Variants in HADHB observed in about 807,000 individuals in gnomAD.
HADHB encodes trifunctional enzyme subunit beta, mitochondrial.
Under a neutral mutation model 61.9 loss-of-function variants are expected in HADHB, and 50 were observed. That is an observed-to-expected ratio of 0.81 (90% confidence interval 0.64 to 1.02). HADHB has a LOEUF of 1.02. Among genes scored for constraint, HADHB ranks in the 50% least tolerant of loss-of-function variants. The pLI is 0.00. For missense variants in HADHB, 504 were observed against 586.5 expected, an observed-to-expected ratio of 0.86 and a Z score of 1.45; for synonymous variants, 191 against 201.6, an observed-to-expected ratio of 0.95 and a Z score of 0.45.
At chr2:26,284,666 C>T (rs1247756803) in intron 13 of HADHB, among the ~76,000 whole-genome samples, 1 of 151,950 alleles carries the variant, frequency 6.6e-6, no homozygotes, top group Non-Finnish European at 1.5e-5. Flanking sequence ...AGGGTTTCAC[C>T]ATATTGGTCA....
chr2:26,248,040 G>C (rs751240437), intron 1 of HADHB, among the ~76,000 whole-genome samples: 6 of 151,958 alleles, frequency 3.9e-5, no homozygotes, highest in South Asian at 4.2e-4. Context: ...ATAGCTTCAG[G>C]GACTTTCTTT....
rs1558360722 is a variant in HADHB, at chr2:26,284,191, A to G, written c.1136A>G (p.His379Arg). ...TMNDIDAFEFHEAFSGQILAN... is the reference protein window; with the variant it reads ...TMNDIDAFEFREAFSGQILAN... ...AATGATATTGATGCTTTTGAATTTC[A>G]TGAAGCTTTCTCGGTAAGTAATTTG... Residue 379 changes from histidine (H) to arginine (R), a missense_variant, in exon 13 of 16, where the codon CAT becomes CGT. By Grantham distance (29) the His-to-Arg change is conservative. Transcript: ENST00000317799. The G allele has an allele frequency of 2.6e-6, 4 of 1,562,300 alleles. No individual in the cohort carries two copies.
chr2:26,277,070 A>T lies in HADHB; in HGVS notation c.355-3A>T. ...ATCATTTCATTCACTCTATTTCCTAAAGGCTGCCCTTGGAGCTGGCTTCTC... is the reference window on the plus strand; with the variant it reads ...ATCATTTCATTCACTCTATTTCCTATAGGCTGCCCTTGGAGCTGGCTTCTC... On this transcript the variant is annotated splice_region_variant and splice_polypyrimidine_tract_variant and intron_variant, in intron 6 of 15. Transcript: ENST00000317799. 2 of 1,529,322 alleles carry T rather than the reference A, an allele frequency of 1.3e-6. No individual in the cohort carries two copies. Among genetic ancestry groups the T allele is most frequent in the Non-Finnish European group, 1.8e-6 (2 of 1,103,454 alleles). The allele number at this position is 1,529,322 out of a possible 1,614,324, so 94.7% of individuals were successfully genotyped here.
At chr2:26,253,572 G>A (rs1226062487) in intron 1 of HADHB, among the ~76,000 whole-genome samples, 1 of 152,062 alleles carries the variant, frequency 6.6e-6, no homozygotes, top group Non-Finnish European at 1.5e-5. Context: ...CCAGCTCTGG[G>A]CCTGGTGCGG....
rs1187173720 is a variant in HADHB at position 26,270,558 on chromosome 2, TG to T, written c.254+562del. Among the ~76,000 whole-genome samples the T allele has an allele frequency of 2.0e-5, 3 of 152,160 alleles. No homozygotes were observed. The South Asian group carries it at 6.2e-4, about 31-fold the overall frequency. ...TTTCTGTCCATTCTAACTCTATGTT[TG>T]TTTTTTTTTTCTTCCTGCAATACCT... On this transcript the variant is annotated intron_variant, in intron 5 of 15. Coordinates refer to ENST00000317799, the MANE Select transcript of HADHB (RefSeq NM_000183.3).
Position 26,282,909 on chromosome 2 carries a change from C to T in HADHB, c.998C>T (p.Pro333Leu), listed in dbSNP as rs770736746. 9 of 1,611,500 alleles carry T rather than the reference C, an allele frequency of 5.6e-6. No individual in the cohort carries two copies. The highest frequency in any genetic ancestry group is 4.4e-5 in the South Asian group (4 of 91,014). ...EEKALAMGYK[P>L]KAYLRDFMYV... is the part of the protein sequence containing the mutation. ...AAGGCTCTGGCCATGGGTTATAAGC[C>T]GAAGGCATATTTGAGGTAAAGTAAA... Residue 333 changes from proline to leucine, a missense_variant, in exon 11 of 16, where the codon CCG becomes CTG. Transcript: ENST00000317799.
intron 1 of HADHB, 38 bp downstream of exon 1, chr2:26,245,028 C>T (rs1671066540): frequency 9.1e-6 from 2 of 220,856 alleles, no homozygotes; most frequent in Non-Finnish European, 1.9e-5. Flanking sequence ...CCCGGGCTTT[C>T]CCAAAGGCGA....
chr2:26,256,133 G>A (rs185412403), intron 3 of HADHB, among the ~76,000 whole-genome samples: 1 of 152,274 alleles, frequency 6.6e-6, no homozygotes, highest in East Asian at 1.9e-4. Context: ...ATGGTGTTCC[G>A]CAAATATAAC....
chr2:26,270,984 T>G (rs1177524233), intron 5 of HADHB, among the ~76,000 whole-genome samples: 3 of 150,496 alleles, frequency 2.0e-5, no homozygotes, highest in Admixed American at 6.6e-5. Context: ...GTTCACGCCA[T>G]TCTCCTGCCT....
At chr2:26,249,543 T>C (rs1467090152) in intron 1 of HADHB, among the ~76,000 whole-genome samples, 4 of 151,968 alleles carry the variant, frequency 2.6e-5, no homozygotes, top group Non-Finnish European at 5.9e-5. Flanking sequence ...AGGAGATTTA[T>C]TGGCTCACAG....
chr2:26,277,448 C>T (rs1054027690), intron 7 of HADHB, among the ~76,000 whole-genome samples: 1 of 151,974 alleles, frequency 6.6e-6, no homozygotes, highest in Admixed American at 6.6e-5. Flanking sequence ...GTTGCCCAGG[C>T]TGGTCTTAAA....
chr2:26,285,229 A>G lies in HADHB; in HGVS notation c.1225-178A>G, dbSNP rs571157131. Reference sequence around the variant, plus strand: ...CATTCTGACATTAGATGAAAAATAAATGGACTCCTGACTTTTAATATTGAC... The same window carrying G: ...CATTCTGACATTAGATGAAAAATAAGTGGACTCCTGACTTTTAATATTGAC... On this transcript the variant is annotated intron_variant, in intron 14 of 15. Transcript: ENST00000317799. Among the ~76,000 whole-genome samples, 18 of 152,362 alleles carry G rather than the reference A, an allele frequency of 1.2e-4. No homozygotes were observed. In the South Asian group the frequency reaches 3.5e-3, roughly 30 times the overall value.
chr2:26,262,116 T>C (rs1220343536), intron 3 of HADHB, among the ~76,000 whole-genome samples: 1 of 152,190 alleles, frequency 6.6e-6, no homozygotes, highest in Non-Finnish European at 1.5e-5. Context: ...CTATTAACTC[T>C]CACTAATATT....
Position 26,290,196 on chromosome 2 carries a change from GT to G in HADHB, c.*248del. On this transcript the variant is annotated 3_prime_UTR_variant, in exon 16 of 16. Coordinates refer to ENST00000317799, the MANE Select transcript of HADHB (RefSeq NM_000183.3). Reference sequence around the variant, plus strand: ...TCTCACATGAGATGTGTGGGTGGTTGTTTTTGGTCTCTGTTGTCACTAAAGA... The same window carrying G: ...TCTCACATGAGATGTGTGGGTGGTTGTTTTGGTCTCTGTTGTCACTAAAGA... 7 of 553,840 alleles carry G rather than the reference GT, an allele frequency of 1.3e-5. No individual in the cohort carries two copies. Among genetic ancestry groups the G allele is most frequent in the East Asian group, 3.1e-5 (1 of 32,332 alleles). 34.3% of individuals were successfully genotyped at this position (553,840 alleles called of 1,614,324 possible). A position where few individuals can be genotyped will look rare whatever the true frequency, so the allele number is the denominator to read the frequency against.
chr2:26,248,884 C>G (rs1242882940), intron 1 of HADHB, among the ~76,000 whole-genome samples: 2 of 152,046 alleles, frequency 1.3e-5, no homozygotes, highest in Non-Finnish European at 2.9e-5. Context: ...TGGTGAAACC[C>G]CATCTCTGCT....
Position 26,285,740 on chromosome 2 carries a change from T to TTTTTTTTG in HADHB, c.1389+176_1389+177insGTTTTTTT, listed in dbSNP as rs1491386074. ...CTGATAAAACTTTTTGTTTTTTGGG[T>TTTTTTTTG]TTTTTTTTTTTTTTTTTGAGACAGT... On this transcript the variant is annotated intron_variant, in intron 15 of 15. Transcript: ENST00000317799. Among the ~76,000 whole-genome samples, 2 of 51,372 alleles carry TTTTTTTTG rather than the reference T, an allele frequency of 3.9e-5. 1 individual carries two copies. The highest frequency in any genetic ancestry group is 9.0e-5 in the Non-Finnish European group (2 of 22,174). The allele number at this position is 51,372 out of a possible 152,430, so 33.7% of individuals were successfully genotyped here.
chr2:26,261,036 G>A (rs1197694911), intron 3 of HADHB: 1 of 1,515,588 alleles, frequency 6.6e-7, no homozygotes. Flanking sequence ...ACTGGTTTCT[G>A]GTTGGCTCCT....
intron 13 of HADHB, among the ~76,000 whole-genome samples, 170 bp from the exon 14 acceptor site, chr2:26,284,713 C>T (rs1217051408): frequency 3.3e-5 from 5 of 152,094 alleles, no homozygotes; most frequent in African/African-American, 1.2e-4. Flanking sequence ...ATGATCCACC[C>T]GCCTTGGCCT....
chr2:26,245,430 G>A (rs1671104969), intron 1 of HADHB: 1 of 152,188 alleles, frequency 6.6e-6, no homozygotes, highest in African/African-American at 2.4e-5. Context: ...CTGCTGTAAA[G>A]AATAAGACTA....
Sources: gnomAD v4.1 joint callset for allele counts (sites outside exome capture counted in the v4.1 genomes callset) on GRCh38, gnomAD v4.1.1 for gene constraint, MANE v1.5 for transcripts, NCBI Gene and HGNC (gene_info 2026-07-23, HGNC 2026-07-21) for gene names.